Variants in OTUB1 observed in about 807,000 individuals in gnomAD.
OTUB1 encodes OTU deubiquitinase, ubiquitin aldehyde binding 1.
In OTUB1, 10 loss-of-function variants were observed where a neutral mutation model predicts 35.8. The observed-to-expected ratio is 0.28, with a 90% CI of 0.17 to 0.47. The LOEUF (loss-of-function observed/expected upper bound fraction) is 0.47. Ranked by LOEUF, OTUB1 falls within the 20% of genes least tolerant of loss-of-function variation. OTUB1 has a pLI of 0.99. For missense variants in OTUB1, 264 were observed against 351.6 expected, an observed-to-expected ratio of 0.75 and a Z score of 1.99; for synonymous variants, 158 against 143.8, an observed-to-expected ratio of 1.10 and a Z score of -0.71.
At chr11:63,996,707 AG>A (rs960249407) in intron 4 of OTUB1, 59 bp downstream of exon 4, 1 of 1,613,494 alleles carries the variant, frequency 6.2e-7, no homozygotes, top group African/African-American at 1.3e-5. Flanking sequence ...TCCCCGGGCG[AG>A]TAGGATGTGT....
chr11:63,987,624 C>T (rs921201603), intron 1 of OTUB1, among the ~76,000 whole-genome samples: 8 of 152,200 alleles, frequency 5.3e-5, no homozygotes, highest in South Asian at 4.1e-4. Flanking sequence ...TGGGTTTGAC[C>T]GCAGGTCTTT....
rs1942741020 is a variant in OTUB1, at chr11:63,997,938, C to G, written c.*392C>G. 1 of 597,308 alleles carries G rather than the reference C, an allele frequency of 1.7e-6. No homozygotes were observed. The highest frequency in any genetic ancestry group is 2.8e-5 in the East Asian group (1 of 36,054). The allele number at this position is 597,308 out of a possible 1,614,324, so 37.0% of individuals were successfully genotyped here. ...TCCTGGAAGTTCCTTAGGGACTTGCCCAGGGTCCCAGGGCCACCCACACTT... is the reference window on the plus strand; with the variant it reads ...TCCTGGAAGTTCCTTAGGGACTTGCGCAGGGTCCCAGGGCCACCCACACTT... On this transcript the variant is annotated 3_prime_UTR_variant, in exon 7 of 7. Transcript: ENST00000538426.
intron 1 of OTUB1, chr11:63,987,137 C>G (rs1942629114): frequency 1.3e-5 from 2 of 152,316 alleles, no homozygotes; most frequent in Admixed American, 1.3e-4. Flanking sequence ...CCCACTCTGT[C>G]TTTTCCCGCC....
chr11:63,996,704 G>GCGAGTAGGATGTGTCT lies in OTUB1; in HGVS notation c.338+65_338+80dup, dbSNP rs745326949. 8.1e-6 allele frequency: 13 copies of GCGAGTAGGATGTGTCT among 1,613,708 alleles called. No individual in the cohort carries two copies. In the African/African-American group the frequency reaches 1.7e-4, roughly 21 times the overall value. ...AGGTGGGTGTCTACCTCCTCCCCGG[G>GCGAGTAGGATGTGTCT]CGAGTAGGATGTGTCTCGAGTAGGG... On this transcript the variant is annotated intron_variant, in intron 4 of 6. Coordinates refer to ENST00000538426, the MANE Select transcript of OTUB1 (RefSeq NM_017670.3).
In OTUB1 at chr11:63,997,036, C is replaced by T. The variant is rs760444398; in HGVS notation, c.424-14C>T. 10 of 1,612,946 alleles carry T rather than the reference C, an allele frequency of 6.2e-6. No homozygotes were observed. The East Asian group carries it at 2.2e-4, about 36-fold the overall frequency. On this transcript the variant is annotated splice_polypyrimidine_tract_variant and intron_variant, in intron 5 of 6. Transcript: ENST00000538426. Reference sequence around the variant, plus strand: ...CTCCCCGTCATCTTGCCCTTTCTCCCTCCGTGGCTGCAGTTCATGGACCTG... The same window carrying T: ...CTCCCCGTCATCTTGCCCTTTCTCCTTCCGTGGCTGCAGTTCATGGACCTG...
rs1450599392 is a variant in OTUB1, at chr11:63,998,088, C to G, written c.*542C>G. 1.0e-5 allele frequency: 4 copies of G among 383,006 alleles called. No individual in the cohort carries two copies. The highest frequency in any genetic ancestry group is 2.0e-5 in the African/African-American group (1 of 48,798). The allele number at this position is 383,006 out of a possible 1,614,324, so 23.7% of individuals were successfully genotyped here. ...TGGAGGGGCCTTTGTGAGGCTGGAC[C>G]CGGCTCAGGGCAGGTGGAGGAGCTG... is the stretch of plus-strand genomic sequence containing the variant. On this transcript the variant is annotated 3_prime_UTR_variant, in exon 7 of 7. Coordinates refer to ENST00000538426, the MANE Select transcript of OTUB1 (RefSeq NM_017670.3).
At chr11:63,994,868 A>T (rs1225038676) in intron 3 of OTUB1, among the ~76,000 whole-genome samples, 1 of 152,208 alleles carries the variant, frequency 6.6e-6, no homozygotes, top group Non-Finnish European at 1.5e-5. Context: ...GGACAGCTTC[A>T]TGAGGAGTTT....
In OTUB1 at chr11:63,997,732, C is replaced by T; in HGVS notation, c.*186C>T. On this transcript the variant is annotated 3_prime_UTR_variant, in exon 7 of 7. Transcript: ENST00000538426. ...TGTGTGCGTGTCCCTGCTCTGCTGCCCGCCTGGCTGCTCTGTCTGCTGCCC... is the reference window on the plus strand; with the variant it reads ...TGTGTGCGTGTCCCTGCTCTGCTGCTCGCCTGGCTGCTCTGTCTGCTGCCC... 2 of 706,968 alleles carry T rather than the reference C, an allele frequency of 2.8e-6. No individual in the cohort carries two copies. The highest frequency in any genetic ancestry group is 2.6e-6 in the Non-Finnish European group (1 of 389,468). The allele number at this position is 706,968 out of a possible 1,614,324, so 43.8% of individuals were successfully genotyped here.
intron 1 of OTUB1, 71 bp from the exon 2 acceptor site, chr11:63,988,266 C>A: frequency 2.3e-6 from 3 of 1,316,612 alleles, no homozygotes; most frequent in Non-Finnish European, 3.2e-6. Context: ...CTGCTCTTGT[C>A]CCTGGCCCAG....
chr11:63,998,184 C>T lies in OTUB1; in HGVS notation c.*638C>T, dbSNP rs533665662. On this transcript the variant is annotated 3_prime_UTR_variant, in exon 7 of 7. Coordinates refer to ENST00000538426, the MANE Select transcript of OTUB1 (RefSeq NM_017670.3). ...GCAGCCTTCAAACGTGTGGGGTCTA[C>T]AGTCCTCAGGTCTAGGCAGGGCTGC... 7 of 250,540 alleles carry T rather than the reference C, an allele frequency of 2.8e-5. No individual in the cohort carries two copies. Among genetic ancestry groups the T allele is most frequent in the African/African-American group, 1.1e-4 (5 of 44,818 alleles). 15.5% of individuals were successfully genotyped at this position (250,540 alleles called of 1,614,324 possible).
chr11:63,992,575 C>CTG (rs1942682798), intron 3 of OTUB1, among the ~76,000 whole-genome samples: 3 of 152,076 alleles, frequency 2.0e-5, no homozygotes, highest in South Asian at 2.1e-4. Flanking sequence ...GAGTGTTGCC[C>CTG]TGTCACCCAG....
Position 63,997,382 on chromosome 11 carries a change from A to G in OTUB1, c.652A>G (p.Ile218Val), listed in dbSNP as rs1278363283. The G allele has an allele frequency of 6.2e-7, 1 of 1,614,084 alleles. No homozygotes were observed. Among genetic ancestry groups the G allele is most frequent in the Non-Finnish European group, 8.5e-7 (1 of 1,180,008 alleles). Residue 218 changes from isoleucine to valine, a missense_variant, in exon 7 of 7, where the codon ATC becomes GTC. By Grantham distance (29) the Ile-to-Val change is conservative. Transcript: ENST00000538426. Reference sequence around the variant, plus strand: ...GCCCATGTGCAAGGAGAGCGACCACATCCACATCATTGCGCTGGCCCAGGC... The same window carrying G: ...GCCCATGTGCAAGGAGAGCGACCACGTCCACATCATTGCGCTGGCCCAGGC... ...VEPMCKESDH[I>V]HIIALAQALS... is the part of the protein sequence containing the mutation.
At chr11:63,990,540 T>C (rs893139285) in intron 3 of OTUB1, 21 of 150,428 alleles carry the variant, frequency 1.4e-4, no homozygotes, top group African/African-American at 4.7e-4. Flanking sequence ...TGAGCCATGA[T>C]TGTACCACTG....
Position 63,986,491 on chromosome 11 carries a change from A to C in OTUB1, c.35A>C (p.Glu12Ala), listed in dbSNP as rs1210637367. 8.4e-6 allele frequency: 13 copies of C among 1,553,596 alleles called. No individual in the cohort carries two copies. The highest frequency in any genetic ancestry group is 7.8e-5 in the Admixed American group (4 of 51,350). The change falls in exon 1 of 7, where the codon GAG (glutamate) becomes GCG (alanine). Residue 12 changes from glutamate to alanine, a missense_variant. By Grantham distance (107) the Glu-to-Ala change is moderately radical (BLOSUM62 -1). Coordinates refer to ENST00000538426, the MANE Select transcript of OTUB1 (RefSeq NM_017670.3). ...AAEEPQQQKQ[E>A]PLGSDSEGVN... The stretch of plus-strand genomic sequence containing the variant: ...GAGGAACCTCAGCAGCAGAAGCAGG[A>C]GCCGCTGGGCAGCGACTCCGAAGGT...
intron 3 of OTUB1, 158 bp downstream of exon 3, chr11:63,988,910 A>G (rs1942644906): frequency 5.1e-6 from 3 of 590,898 alleles, no homozygotes; most frequent in Admixed American, 5.8e-5. Flanking sequence ...CTGAGGCCTC[A>G]AAAACACATT....
intron 3 of OTUB1, among the ~76,000 whole-genome samples, chr11:63,991,309 C>CA (rs1555002906): frequency 2.6e-5 from 4 of 152,272 alleles, no homozygotes; most frequent in African/African-American, 9.6e-5. Context: ...AGGGGGTGAG[C>CA]TTCATTCATT....
chr11:63,994,596 G>A (rs988514782), intron 3 of OTUB1, among the ~76,000 whole-genome samples: 1 of 152,222 alleles, frequency 6.6e-6, no homozygotes, highest in Non-Finnish European at 1.5e-5. Flanking sequence ...CTCGAAGGGT[G>A]CTGTATGGTT....
intron 3 of OTUB1, among the ~76,000 whole-genome samples, chr11:63,993,383 T>C (rs978350188): frequency 2.4e-4 from 36 of 152,014 alleles, no homozygotes; most frequent in Admixed American, 1.8e-3. Context: ...AGACTTTGGC[T>C]AGGGGCAATG....
At chr11:63,989,008 T>G in intron 3 of OTUB1, 2 of 292,012 alleles carry the variant, frequency 6.8e-6, no homozygotes, top group East Asian at 5.7e-5. Context: ...GAGCAAAACT[T>G]CATCTCAGAA....
Sources: allele counts gnomAD v4.1 joint callset (sites outside exome capture counted in the v4.1 genomes callset), GRCh38; gene constraint gnomAD v4.1.1; transcripts MANE v1.5; gene names NCBI Gene and HGNC (gene_info 2026-07-23, HGNC 2026-07-21).